ERC2: variants seen among roughly 807,000 people sequenced by gnomAD.
ERC2 encodes the protein ELKS/RAB6-interacting/CAST family member 2.
In ERC2, 42 loss-of-function variants were observed where a neutral mutation model predicts 114.8. That is an observed-to-expected ratio of 0.37 (90% CI 0.29 to 0.47). ERC2 has a LOEUF of 0.47. Ranked by LOEUF, ERC2 falls within the 20% of genes least tolerant of loss-of-function variation. The pLI, the probability that ERC2 is intolerant of heterozygous loss-of-function variation, is 0.99. For missense variants in ERC2, 939 were observed against 1,150.7 expected, an observed-to-expected ratio of 0.82 and a Z score of 2.66; for synonymous variants, 454 against 425.5, an observed-to-expected ratio of 1.07 and a Z score of -0.82.
chr3:56,335,491 G>T (rs2057808180), intron 2 of ERC2, among the ~76,000 whole-genome samples: 1 of 152,192 alleles, frequency 6.6e-6, no homozygotes, highest in Non-Finnish European at 1.5e-5. Flanking sequence ...GTTCTGATAA[G>T]TAGCAACTCC....
intron 3 of ERC2, among the ~76,000 whole-genome samples, chr3:56,197,847 A>T (rs1328674812): frequency 6.6e-6 from 1 of 152,228 alleles, no homozygotes; most frequent in Non-Finnish European, 1.5e-5. Context: ...TTTTTCCAAA[A>T]ATTCTTAGTG....
At chr3:56,285,032 TACACAC>T (rs10575135) in intron 3 of ERC2, among the ~76,000 whole-genome samples, 2,092 of 106,870 alleles carry the variant, frequency 0.02, 21 homozygotes, top group African/African-American at 0.043. Context: ...CACACACACA[TACACAC>T]ACACACACAC....
intron 13 of ERC2, among the ~76,000 whole-genome samples, chr3:55,923,510 A>G (rs745351588): frequency 3.9e-5 from 6 of 152,096 alleles, no homozygotes; most frequent in Non-Finnish European, 8.8e-5. Flanking sequence ...GTTATGTTAT[A>G]TATATTTTGC....
chr3:55,675,931 T>TC (rs2061784867), intron 17 of ERC2, among the ~76,000 whole-genome samples: 2 of 107,862 alleles, frequency 1.9e-5, no homozygotes, highest in South Asian at 6.8e-4. Flanking sequence ...TTTTTTTTTT[T>TC]TTTTTTGAGA....
chr3:55,926,439 G>A (rs920025019), intron 13 of ERC2, among the ~76,000 whole-genome samples: 15 of 146,812 alleles, frequency 1.0e-4, no homozygotes, highest in Middle Eastern at 3.5e-3. Context: ...CTAAAAGATC[G>A]AAGTCCTACA....
chr3:55,742,001 A>G (rs1234262501), intron 14 of ERC2, among the ~76,000 whole-genome samples: 2 of 152,146 alleles, frequency 1.3e-5, no homozygotes, highest in East Asian at 3.8e-4. Flanking sequence ...TATGTGCAAG[A>G]ACACATTTAA....
chr3:55,624,429 G>C (rs2059434350), intron 17 of ERC2, among the ~76,000 whole-genome samples: 1 of 152,180 alleles, frequency 6.6e-6, no homozygotes, highest in Non-Finnish European at 1.5e-5. Flanking sequence ...ACATGGCTGG[G>C]GCATGCAGGG....
intron 17 of ERC2, among the ~76,000 whole-genome samples, chr3:55,586,468 G>A (rs1224764170): frequency 1.3e-5 from 2 of 152,190 alleles, no homozygotes; most frequent in East Asian, 1.9e-4. Context: ...ACAAACATAA[G>A]AACGCAATCT....
intron 3 of ERC2, among the ~76,000 whole-genome samples, chr3:56,178,487 C>A (rs759115379): frequency 2.0e-5 from 3 of 152,126 alleles, no homozygotes; most frequent in Non-Finnish European, 4.4e-5. Context: ...TTCTGTCATG[C>A]TCTTTTGAAG....
intron 17 of ERC2, among the ~76,000 whole-genome samples, chr3:55,580,089 GT>G (rs2107557224): frequency 6.6e-6 from 1 of 152,334 alleles, no homozygotes; most frequent in South Asian, 2.1e-4. Context: ...TGGTGCAAAA[GT>G]AATTGCAGTT....
rs1560062953 is a variant in ERC2 at position 56,035,394 on chromosome 3, A to C, written c.1642-16363T>G. 3.3e-5 allele frequency among the ~76,000 whole-genome samples: 5 copies of C among 152,220 alleles called. No homozygotes were observed. The South Asian group carries it at 1.0e-3, about 31-fold the overall frequency. On this transcript the variant is annotated intron_variant, in intron 7 of 17. Coordinates refer to ENST00000288221, the MANE Select transcript of ERC2 (RefSeq NM_015576.3). ...CAAAGGTGAATTCTACCAAACGTTT[A>C]AAGAATTAATGCCAATCCTTCTCAA...
At chr3:55,800,213 T>C (rs2070928920) in intron 14 of ERC2, among the ~76,000 whole-genome samples, 1 of 152,172 alleles carries the variant, frequency 6.6e-6, no homozygotes, top group African/African-American at 2.4e-5. Context: ...TGATGTCGGC[T>C]CACTGCAACC....
At chr3:56,244,403 A>T (rs1224297389) in intron 3 of ERC2, among the ~76,000 whole-genome samples, 1 of 152,108 alleles carries the variant, frequency 6.6e-6, no homozygotes, top group Admixed American at 6.5e-5. Flanking sequence ...TAAATTTTTT[A>T]AAATTTAACT....
intron 2 of ERC2, among the ~76,000 whole-genome samples, chr3:56,405,826 T>C (rs2060698068): frequency 6.6e-6 from 1 of 152,070 alleles, no homozygotes; most frequent in Admixed American, 6.6e-5. Context: ...AACATCCTTT[T>C]ACTCTGTGAA....
rs371051205 is a variant in ERC2 at position 55,795,197 on chromosome 3, C to T, written c.2565-60279G>A. Among the ~76,000 whole-genome samples, 498 of 152,152 alleles carry T rather than the reference C, an allele frequency of 3.3e-3. 2 individuals carry two copies. The highest frequency in any genetic ancestry group is 0.011 in the African/African-American group (473 of 41,502). On this transcript the variant is annotated intron_variant, in intron 14 of 17. Coordinates refer to ENST00000288221, the MANE Select transcript of ERC2 (RefSeq NM_015576.3). ...TTAAATTCCCAAGCTTGGGACAAAC[C>T]GGAAAGATCCCCTGAGTTTTTAAAC... is the stretch of plus-strand genomic sequence containing the variant.
At chr3:55,514,456 A>T (rs937416488) in intron 17 of ERC2, among the ~76,000 whole-genome samples, 6 of 152,282 alleles carry the variant, frequency 3.9e-5, no homozygotes, top group Admixed American at 2.0e-4. Flanking sequence ...AAAAAATAAA[A>T]TTTTTTAAAA....
chr3:55,653,941 G>A (rs933512909), intron 17 of ERC2, among the ~76,000 whole-genome samples: 3 of 152,142 alleles, frequency 2.0e-5, no homozygotes, highest in Non-Finnish European at 4.4e-5. Flanking sequence ...ACCATGCCCA[G>A]CTGATTTTGA....
At chr3:56,173,643 C>A in intron 3 of ERC2, 123 bp from the exon 4 acceptor site, 1 of 772,618 alleles carries the variant, frequency 1.3e-6, no homozygotes, top group Non-Finnish European at 2.1e-6. Context: ...AAACAAGCCA[C>A]AGGTGTCTCT....
chr3:55,861,316 C>T (rs1056959615), intron 14 of ERC2, among the ~76,000 whole-genome samples: 5 of 152,214 alleles, frequency 3.3e-5, no homozygotes, highest in South Asian at 2.1e-4. Flanking sequence ...TGGAAGCCAG[C>T]GCAGCTGGTT....
Sources: allele counts gnomAD v4.1 joint callset (sites outside exome capture counted in the v4.1 genomes callset), GRCh38; gene constraint gnomAD v4.1.1; transcripts MANE v1.5; gene names NCBI Gene and HGNC (gene_info 2026-07-23, HGNC 2026-07-21).